The following EDARADD variants were observed in gnomAD, a reference collection of about 807,000 sequenced individuals.
EDARADD encodes EDAR associated via death domain.
In EDARADD, 20 loss-of-function variants were observed where a neutral mutation model predicts 25.6. The ratio of observed to expected loss-of-function variants is 0.78; its 90% confidence interval spans 0.55 to 1.14. The LOEUF (loss-of-function observed/expected upper bound fraction) is 1.14. Ranked by LOEUF, EDARADD falls within the 50% of genes most tolerant of loss-of-function variation. The pLI, the probability that EDARADD is intolerant of heterozygous loss-of-function variation, is 0.00. For missense variants in EDARADD, 225 were observed against 270.1 expected, an observed-to-expected ratio of 0.83 and a Z score of 1.17; for synonymous variants, 86 against 94.4, an observed-to-expected ratio of 0.91 and a Z score of 0.52.
chr1:236,385,540 A>G (rs371983057), intron 3 of EDARADD, among the ~76,000 whole-genome samples: 21 of 152,070 alleles, frequency 1.4e-4, no homozygotes, highest in East Asian at 1.2e-3. Context: ...CCTGGCCAAC[A>G]TGCTGAAACC....
chr1:236,484,730 ACTT>A lies in EDARADD; in HGVS notation c.*2084_*2086del, dbSNP rs1659784852. ...CCAGAAAAAAAAAAAAAAAAAAAGA[ACTT>A]CTACAGAAGCCAAGCTCCCTGGAGC... is the stretch of plus-strand genomic sequence containing the variant. On this transcript the variant is annotated 3_prime_UTR_variant, in exon 6 of 6. Coordinates refer to ENST00000334232, the MANE Select transcript of EDARADD (RefSeq NM_145861.4). This position sits in a 1 kb window ranked among gnomAD's most constrained non-coding sequence, Gnocchi z 4.1. 6.9e-6 allele frequency: 2 copies of A among 289,460 alleles called. No individual in the cohort carries two copies. Among genetic ancestry groups the A allele is most frequent in the Non-Finnish European group, 6.6e-6 (1 of 151,210 alleles). 17.9% of individuals were successfully genotyped at this position (289,460 alleles called of 1,614,324 possible). A position where few individuals can be genotyped will look rare whatever the true frequency, so the allele number is the denominator to read the frequency against.
chr1:236,414,275 A>T lies in EDARADD; in HGVS notation c.136A>T (p.Ile46Phe). 6.2e-7 allele frequency: 1 copy of T among 1,610,826 alleles called. No homozygotes were observed. The highest frequency in any genetic ancestry group is 8.5e-7 in the Non-Finnish European group (1 of 1,177,136). Reference protein sequence around the residue: ...LSFNMSDKYPIQDTELPKAEE... With the variant: ...LSFNMSDKYPFQDTELPKAEE... ...GTTTCTACAGTCAGACAAATATCCC[A>T]TTCAAGATACGGAACTCCCTAAAGG... Residue 46 changes from isoleucine (I) to phenylalanine (F), a missense_variant, in exon 3 of 6, where the codon ATT becomes TTT. Ile to Phe is a conservative substitution (Grantham distance 21). Coordinates refer to ENST00000334232, the MANE Select transcript of EDARADD (RefSeq NM_145861.4).
intron 3 of EDARADD, among the ~76,000 whole-genome samples, chr1:236,418,879 C>A (rs1344237956): frequency 6.6e-6 from 1 of 152,156 alleles, no homozygotes; most frequent in African/African-American, 2.4e-5. Context: ...TCTCATCCCG[C>A]TTGTTCAATA....
At chr1:236,473,863 T>C (rs1021314089) in intron 5 of EDARADD, among the ~76,000 whole-genome samples, 4 of 152,116 alleles carry the variant, frequency 2.6e-5, no homozygotes, top group African/African-American at 9.7e-5. Context: ...CTCAATCTCC[T>C]GAGCTAATCG....
At chr1:236,372,332 T>A (rs1158567542) in intron 3 of EDARADD, among the ~76,000 whole-genome samples, 2 of 152,238 alleles carry the variant, frequency 1.3e-5, no homozygotes, top group Non-Finnish European at 1.5e-5. Context: ...ATGTGATTAC[T>A]GATGTTTCAT....
chr1:236,403,226 G>T (rs1222212451), intron 1 of EDARADD, among the ~76,000 whole-genome samples: 2 of 152,158 alleles, frequency 1.3e-5, no homozygotes, highest in African/African-American at 4.8e-5. Flanking sequence ...AAAGTGCTGG[G>T]ATTACGGGCG....
intron 3 of EDARADD, among the ~76,000 whole-genome samples, chr1:236,418,112 C>A (rs1314193477): frequency 1.3e-5 from 2 of 151,930 alleles, no homozygotes; most frequent in Non-Finnish European, 2.9e-5. Flanking sequence ...CACCACCACG[C>A]CCAGCTAATT....
chr1:236,448,187 T>C (rs1284771059), intron 4 of EDARADD, among the ~76,000 whole-genome samples: 1 of 152,230 alleles, frequency 6.6e-6, no homozygotes, highest in East Asian at 1.9e-4. Flanking sequence ...CCCCAGAGAT[T>C]CTGGCTTAAG....
chr1:236,432,749 G>T (rs920565450), intron 4 of EDARADD, among the ~76,000 whole-genome samples: 2 of 152,068 alleles, frequency 1.3e-5, no homozygotes, highest in East Asian at 3.9e-4. Flanking sequence ...GCTGGGCATG[G>T]TGGTGGGTGC....
At chr1:236,436,643 A>AT (rs1658260814) in intron 4 of EDARADD, among the ~76,000 whole-genome samples, 1 of 151,800 alleles carries the variant, frequency 6.6e-6, no homozygotes, top group Non-Finnish European at 1.5e-5. Flanking sequence ...AAAAAAAAAA[A>AT]AGTAAGAACC....
intron 3 of EDARADD, among the ~76,000 whole-genome samples, chr1:236,384,196 G>A (rs148359989): frequency 6.6e-6 from 1 of 152,164 alleles, no homozygotes; most frequent in African/African-American, 2.4e-5. Context: ...GTACCCACAT[G>A]TAAGAGTTTG....
intron 5 of EDARADD, among the ~76,000 whole-genome samples, chr1:236,471,751 T>C (rs1316048523): frequency 6.6e-6 from 1 of 152,136 alleles, no homozygotes; most frequent in Non-Finnish European, 1.5e-5. Flanking sequence ...CTTGCAGCAG[T>C]GGAGGGAAAC....
intron 3 of EDARADD, among the ~76,000 whole-genome samples, chr1:236,358,572 C>G (rs1558099669): frequency 6.6e-6 from 1 of 152,182 alleles, no homozygotes. Flanking sequence ...TACATTGTCT[C>G]TTTGTTCTCA....
chr1:236,438,133 T>C (rs1163916571), intron 4 of EDARADD, among the ~76,000 whole-genome samples: 1 of 152,184 alleles, frequency 6.6e-6, no homozygotes, highest in African/African-American at 2.4e-5. Context: ...TCTGTCTGTG[T>C]CCAAATTTCC....
chr1:236,447,844 C>CT (rs112637810), intron 4 of EDARADD, among the ~76,000 whole-genome samples: 17,434 of 147,748 alleles, frequency 0.12, 2,088 homozygotes, highest in African/African-American at 0.31. Context: ...TTTTTTTCTT[C>CT]TTTTTTTTTT....
chr1:236,359,004 C>A (rs1198985460), intron 3 of EDARADD, among the ~76,000 whole-genome samples: 2 of 152,220 alleles, frequency 1.3e-5, no homozygotes, highest in Non-Finnish European at 2.9e-5. Flanking sequence ...GTGTGGGAGT[C>A]TAAGTCTCTT....
intron 4 of EDARADD, among the ~76,000 whole-genome samples, chr1:236,460,540 T>G (rs1205215926): frequency 6.6e-6 from 1 of 152,154 alleles, no homozygotes; most frequent in African/African-American, 2.4e-5. Flanking sequence ...AATAGATATA[T>G]GTCCACATTT....
At chr1:236,414,175 T>C in intron 2 of EDARADD, 85 bp from the exon 3 acceptor site, 1 of 1,226,600 alleles carries the variant, frequency 8.2e-7, no homozygotes, top group Non-Finnish European at 1.2e-6. Flanking sequence ...ATTGAAGTCA[T>C]AACTTTCCCA....
chr1:236,358,152 C>T (rs937696127), intron 3 of EDARADD, among the ~76,000 whole-genome samples: 7 of 152,062 alleles, frequency 4.6e-5, no homozygotes, highest in Non-Finnish European at 8.8e-5. Flanking sequence ...ATTACAGGCA[C>T]GAGCCACTGC....
Sources: gnomAD v4.1 joint callset for allele counts (sites outside exome capture counted in the v4.1 genomes callset) on GRCh38, gnomAD v4.1.1 for gene constraint, Gnocchi (gnomAD v3.1) non-coding constraint, MANE v1.5 for transcripts, NCBI Gene and HGNC (gene_info 2026-07-23, HGNC 2026-07-21) for gene names.